PRDM15: variants seen among roughly 807,000 people sequenced by gnomAD.
The protein encoded by PRDM15 is PR/SET domain 15.
A neutral mutation model predicts 128.6 loss-of-function variants in PRDM15; 64 were observed. That is an observed-to-expected ratio of 0.50 (90% confidence interval 0.41 to 0.61). The LOEUF (loss-of-function observed/expected upper bound fraction) is 0.61. PRDM15 is among the 20% of genes least tolerant of loss of function. PRDM15 has a pLI of 0.00. For synonymous variants in PRDM15, 615 were observed against 621.8 expected, an observed-to-expected ratio of 0.99 and a Z score of 0.16; for missense variants, 1,242 against 1,569.1, an observed-to-expected ratio of 0.79 and a Z score of 3.52.
chr21:41,816,672 AG>A (rs1209701011), intron 18 of PRDM15, among the ~76,000 whole-genome samples: 10 of 152,188 alleles, frequency 6.6e-5, no homozygotes, highest in African/African-American at 1.9e-4. Context: ...ACCATCCACC[AG>A]CTCCTGCCAG....
chr21:41,815,370 G>A (rs1367986722), intron 19 of PRDM15, among the ~76,000 whole-genome samples: 1 of 152,234 alleles, frequency 6.6e-6, no homozygotes, highest in Non-Finnish European at 1.5e-5. Context: ...AACCTTGCAT[G>A]CACATCCCTG....
chr21:41,846,253 G>C (rs551137845), intron 6 of PRDM15, among the ~76,000 whole-genome samples: 1 of 152,304 alleles, frequency 6.6e-6, no homozygotes, highest in African/African-American at 2.4e-5. Context: ...TATTTGATGC[G>C]AGTCTTTCTT....
At chr21:41,872,740 G>A (rs953890695) in intron 1 of PRDM15, among the ~76,000 whole-genome samples, 3 of 152,172 alleles carry the variant, frequency 2.0e-5, no homozygotes, top group South Asian at 2.1e-4. Context: ...GGAGGTCGGG[G>A]GATGGTGAGG....
intron 1 of PRDM15, among the ~76,000 whole-genome samples, chr21:41,864,605 C>T (rs918885289): frequency 2.0e-5 from 3 of 152,006 alleles, no homozygotes; most frequent in Non-Finnish European, 4.4e-5. Context: ...TGACACCCGC[C>T]CATCACCCAC....
intron 21 of PRDM15, among the ~76,000 whole-genome samples, chr21:41,807,221 T>C (rs2061708656): frequency 6.6e-6 from 1 of 152,252 alleles, no homozygotes; most frequent in South Asian, 2.1e-4. Flanking sequence ...CTTTCTGTGT[T>C]TTGTTTTTAA....
intron 11 of PRDM15, among the ~76,000 whole-genome samples, chr21:41,830,774 C>G (rs931228355): frequency 3.3e-5 from 5 of 152,222 alleles, no homozygotes; most frequent in African/African-American, 9.7e-5. Context: ...TCCCTGCATC[C>G]CAGACCTCAT....
At chr21:41,838,183 G>T in intron 7 of PRDM15, 120 bp from the exon 8 acceptor site, 1 of 1,057,506 alleles carries the variant, frequency 9.5e-7, no homozygotes, top group Non-Finnish European at 1.4e-6. Flanking sequence ...AGGCACAAAT[G>T]TTGAGGTTTA....
intron 1 of PRDM15, among the ~76,000 whole-genome samples, chr21:41,865,612 C>T (rs1242508598): frequency 6.6e-6 from 1 of 152,162 alleles, no homozygotes; most frequent in Non-Finnish European, 1.5e-5. Flanking sequence ...CCTAACCTCA[C>T]CCTCCCTGAC....
chr21:41,805,906 T>C (rs112094993), intron 21 of PRDM15, among the ~76,000 whole-genome samples: 7,818 of 144,220 alleles, frequency 0.054, 233 homozygotes, highest in Admixed American at 0.086. Context: ...ATTACCCTCA[T>C]CACCACCAAC....
intron 5 of PRDM15, among the ~76,000 whole-genome samples, chr21:41,848,143 C>T (rs1160478595): frequency 6.6e-6 from 1 of 152,212 alleles, no homozygotes; most frequent in Non-Finnish European, 1.5e-5. Flanking sequence ...ACTCCAGGGG[C>T]CACTCACAAA....
chr21:41,798,313 T>C lies in PRDM15; in HGVS notation c.*2927A>G, dbSNP rs1165847329. On this transcript the variant is annotated 3_prime_UTR_variant, in exon 24 of 24. Coordinates refer to ENST00000398548, the MANE Select transcript of PRDM15 (RefSeq NM_001040424.3). ...AGCCAACATCTCCAAACAGTCTTAA[T>C]GCCTTTCACAATCCAATGGGAAAGC... 6.6e-6 allele frequency: 1 copy of C among 152,212 alleles called. No homozygotes were observed. Among genetic ancestry groups the C allele is most frequent in the African/African-American group, 2.4e-5 (1 of 41,470 alleles). 9.4% of individuals were successfully genotyped at this position (152,212 alleles called of 1,614,324 possible).
intron 19 of PRDM15, chr21:41,813,709 T>C (rs942148193): frequency 1.3e-5 from 2 of 152,480 alleles, no homozygotes; most frequent in African/African-American, 2.4e-5. Flanking sequence ...TGTATTGGCA[T>C]TGCGCAGGGT....
chr21:41,825,564 C>T (rs1244100700), intron 13 of PRDM15, among the ~76,000 whole-genome samples: 1 of 152,010 alleles, frequency 6.6e-6, no homozygotes, highest in African/African-American at 2.4e-5. Flanking sequence ...ACGGAGGAGA[C>T]CGGCACTGAC....
At chr21:41,847,509 T>C (rs1269371748) in intron 5 of PRDM15, among the ~76,000 whole-genome samples, 3 of 152,194 alleles carry the variant, frequency 2.0e-5, no homozygotes, top group African/African-American at 4.8e-5. Context: ...TCATCCCTTA[T>C]ATGACTTCAT....
At chr21:41,823,889 G>A (rs2062374690) in intron 13 of PRDM15, among the ~76,000 whole-genome samples, 1 of 152,224 alleles carries the variant, frequency 6.6e-6, no homozygotes, top group South Asian at 2.1e-4. Flanking sequence ...CTGATTTCCT[G>A]CTCTTTCCAG....
intron 21 of PRDM15, among the ~76,000 whole-genome samples, chr21:41,809,321 C>T (rs892394152): frequency 3.3e-5 from 5 of 151,920 alleles, no homozygotes; most frequent in African/African-American, 7.3e-5. Flanking sequence ...CAACCTCCGC[C>T]GCCTGGGTTC....
rs1385436659 is a variant in PRDM15 at position 41,810,602 on chromosome 21, G to A, written c.2476+151C>T. ...AAGCTGTGGCGGGTTGACCTTCAGA[G>A]GCCAAGGGGCCACCATGAAGCCAAG... On this transcript the variant is annotated intron_variant, in intron 20 of 23. Transcript: ENST00000398548. This position sits in a 1 kb window ranked among gnomAD's most constrained non-coding sequence, Gnocchi z 6.4. 8 of 671,378 alleles carry A rather than the reference G, an allele frequency of 1.2e-5. No homozygotes were observed. The highest frequency in any genetic ancestry group is 1.8e-5 in the Non-Finnish European group (7 of 392,608). 41.6% of individuals were successfully genotyped at this position (671,378 alleles called of 1,614,324 possible).
chr21:41,876,484 C>T (rs77980453), intron 1 of PRDM15, among the ~76,000 whole-genome samples: 7,468 of 152,232 alleles, frequency 0.049, 205 homozygotes, highest in Middle Eastern at 0.1. Context: ...CCATGAACAC[C>T]GCTGGTGTAG....
chr21:41,802,851 T>G lies in PRDM15; in HGVS notation c.2804A>C (p.Lys935Thr). 6.2e-7 allele frequency: 1 copy of G among 1,614,220 alleles called. No homozygotes were observed. Among genetic ancestry groups the G allele is most frequent in the South Asian group, 1.1e-5 (1 of 91,086 alleles). Residue 935 changes from lysine (K) to threonine (T), a missense_variant, in exon 23 of 24, where the codon AAG becomes ACG. Around this residue, in one of 3 missense-constraint regions of PRDM15, gnomAD observed 602 missense variants for 788.3 expected, o/e 0.76. Coordinates refer to ENST00000398548, the MANE Select transcript of PRDM15 (RefSeq NM_001040424.3). ...CTCCTCTTCTGGCTTCTGCTTTCTC[T>G]TGTGACTTCGCTTGGCAGCTTTCCC... ...KHGKAAKRSH[K>T]RKQKPEEEAG...
Sources: gnomAD v4.1 joint callset for allele counts (sites outside exome capture counted in the v4.1 genomes callset) on GRCh38, gnomAD v4.1.1 for gene constraint, gnomAD v4.1.1 regional missense constraint, Gnocchi (gnomAD v3.1) non-coding constraint, MANE v1.5 for transcripts, NCBI Gene and HGNC (gene_info 2026-07-23, HGNC 2026-07-21) for gene names.